The following TNFAIP8L3 variants were observed in gnomAD, a reference collection of about 807,000 sequenced individuals.
The protein encoded by TNFAIP8L3 is TNF alpha induced protein 8 like 3, also known as tumor necrosis factor alpha-induced protein 8-like protein 3.
A neutral mutation model predicts 11.8 loss-of-function variants in TNFAIP8L3; 7 were observed. That is an observed-to-expected ratio of 0.59 (90% confidence interval 0.34 to 1.11). TNFAIP8L3 has a LOEUF of 1.11. Ranked by LOEUF, TNFAIP8L3 falls within the 50% of genes most tolerant of loss-of-function variation. TNFAIP8L3 has a pLI of 0.03. For synonymous variants in TNFAIP8L3, 98 were observed against 103.8 expected, an observed-to-expected ratio of 0.94 and a Z score of 0.34; for missense variants, 219 against 258.6, an observed-to-expected ratio of 0.85 and a Z score of 1.05.
intron 1 of TNFAIP8L3, among the ~76,000 whole-genome samples, chr15:51,104,547 C>T (rs1276986906): frequency 6.6e-6 from 1 of 152,200 alleles, no homozygotes; most frequent in East Asian, 1.9e-4. Flanking sequence ...GTGTCTTTCC[C>T]CTGGCTCTCT....
chr15:51,085,945 T>C (rs971403847), intron 1 of TNFAIP8L3, among the ~76,000 whole-genome samples: 10 of 152,210 alleles, frequency 6.6e-5, no homozygotes, highest in African/African-American at 2.4e-4. Flanking sequence ...AAAATAATGT[T>C]ACTGACAAGC....
At chr15:51,066,351 C>A (rs192565587) in intron 1 of TNFAIP8L3, among the ~76,000 whole-genome samples, 1 of 151,850 alleles carries the variant, frequency 6.6e-6, no homozygotes, top group Non-Finnish European at 1.5e-5. Context: ...TTAGTAGAGA[C>A]GGGGTTTCAA....
chr15:51,104,877 T>C (rs1031579062), intron 1 of TNFAIP8L3: 3 of 1,089,686 alleles, frequency 2.8e-6, no homozygotes, highest in Non-Finnish European at 4.1e-6. Flanking sequence ...AAATAAGAGA[T>C]GGGCTGCCTG....
exon 1 of TNFAIP8L3, chr15:51,105,094 C>T: frequency 6.2e-7 from 1 of 1,614,200 alleles, no homozygotes; most frequent in East Asian, 2.2e-5. Flanking sequence ...CCCTGCATAT[C>T]CGTTGACCCA....
chr15:51,063,560 T>G (rs894388776), intron 1 of TNFAIP8L3, among the ~76,000 whole-genome samples: 14 of 152,228 alleles, frequency 9.2e-5, no homozygotes, highest in Non-Finnish European at 1.9e-4. Flanking sequence ...TACCACCTGT[T>G]CTACCTGCTT....
Position 51,057,589 on chromosome 15 carries a change from C to G in TNFAIP8L3, c.*292G>C, listed in dbSNP as rs1306438204. ...CTCCTGGTTTAGTGCTCCTCCCACTCCATGAGATGAACAGCACTCACTGTA... is the reference window on the plus strand; with the variant it reads ...CTCCTGGTTTAGTGCTCCTCCCACTGCATGAGATGAACAGCACTCACTGTA... On this transcript the variant is annotated 3_prime_UTR_variant, in exon 2 of 2. Coordinates refer to ENST00000637513, the MANE Select transcript of TNFAIP8L3 (RefSeq NM_001311175.2). The G allele has an allele frequency of 3.7e-6, 1 of 268,616 alleles. No individual in the cohort carries two copies. Among genetic ancestry groups the G allele is most frequent in the Non-Finnish European group, 7.1e-6 (1 of 141,652 alleles). 16.6% of individuals were successfully genotyped at this position (268,616 alleles called of 1,614,324 possible). A position where few individuals can be genotyped will look rare whatever the true frequency, so the allele number is the denominator to read the frequency against.
intron 1 of TNFAIP8L3, among the ~76,000 whole-genome samples, chr15:51,092,807 C>A (rs2065481610): frequency 6.6e-6 from 1 of 152,120 alleles, no homozygotes; most frequent in African/African-American, 2.4e-5. Context: ...TCCCTTTCAC[C>A]CAAGTACCAG....
chr15:51,067,887 A>T (rs760966293), intron 1 of TNFAIP8L3, among the ~76,000 whole-genome samples: 9 of 152,238 alleles, frequency 5.9e-5, no homozygotes, highest in Non-Finnish European at 1.3e-4. Context: ...TCCTCTTGAC[A>T]AGAGCTTTCC....
At chr15:51,100,981 C>A (rs1204266783) in intron 1 of TNFAIP8L3, among the ~76,000 whole-genome samples, 1 of 152,216 alleles carries the variant, frequency 6.6e-6, no homozygotes, top group Non-Finnish European at 1.5e-5. Context: ...CCTGTACTAG[C>A]TGTTTTCTAG....
At chr15:51,078,296 C>A (rs2065368894) in intron 1 of TNFAIP8L3, among the ~76,000 whole-genome samples, 1 of 134,224 alleles carries the variant, frequency 7.5e-6, no homozygotes, top group African/African-American at 2.9e-5. Context: ...CAAATATAAG[C>A]GGGGGCGGGG....
At position 51,058,287 on chromosome 15, in the gene TNFAIP8L3, T is replaced by C. The variant is rs766661034; in HGVS notation, c.209A>G (p.Asn70Ser). The C allele has an allele frequency of 1.9e-6, 3 of 1,614,078 alleles. No homozygotes were observed. The highest frequency in any genetic ancestry group is 2.2e-5 in the East Asian group (1 of 44,902). Residue 70 changes from asparagine to serine, a missense_variant, in exon 2 of 2, where the codon AAC (asparagine) becomes AGC (serine). By Grantham distance (46) the Asn-to-Ser change is conservative (BLOSUM62 1). Coordinates refer to ENST00000637513, the MANE Select transcript of TNFAIP8L3 (RefSeq NM_001311175.2). ...LYKVTKEHTH[N>S]KKEAHKIMKD... The stretch of plus-strand genomic sequence containing the variant: ...CATGATCTTGTGGGCTTCCTTCTTG[T>C]TGTGTGTGTGCTCTTTGGTGACTTT...
chr15:51,071,675 G>A (rs1356590681), intron 1 of TNFAIP8L3, among the ~76,000 whole-genome samples: 3 of 152,150 alleles, frequency 2.0e-5, no homozygotes, highest in South Asian at 2.1e-4. Flanking sequence ...CTCCTTGTGC[G>A]CACACACACA....
intron 1 of TNFAIP8L3, among the ~76,000 whole-genome samples, chr15:51,060,231 G>T (rs772320735): frequency 6.6e-6 from 1 of 152,172 alleles, no homozygotes; most frequent in Admixed American, 6.5e-5. Context: ...TTTGTTCTCT[G>T]CAAAATCAAA....
rs192247086 is a variant in TNFAIP8L3 at position 51,070,769 on chromosome 15, G to A, written c.53-12326C>T. Among the ~76,000 whole-genome samples, 11 of 152,184 alleles carry A rather than the reference G, an allele frequency of 7.2e-5. No individual in the cohort carries two copies. In the East Asian group the frequency reaches 1.7e-3, roughly 24 times the overall value. Reference sequence around the variant, plus strand: ...CCTCACAAGAATTAATTTTCTGGCCGGGCGCGGTGGCTCACGCCTGTAATC... The same window carrying A: ...CCTCACAAGAATTAATTTTCTGGCCAGGCGCGGTGGCTCACGCCTGTAATC... On this transcript the variant is annotated intron_variant, in intron 1 of 1. Transcript: ENST00000637513.
chr15:51,096,909 A>AAAAG (rs1445287870), upstream of TNFAIP8L3, among the ~76,000 whole-genome samples: 69 of 135,544 alleles, frequency 5.1e-4, no homozygotes, highest in African/African-American at 1.7e-3. Context: ...AAAAAAAAAA[A>AAAAG]AAAGAAAGAA....
At chr15:51,086,929 C>T (rs1017620545) in intron 1 of TNFAIP8L3, among the ~76,000 whole-genome samples, 3 of 151,110 alleles carry the variant, frequency 2.0e-5, no homozygotes, top group Admixed American at 6.6e-5. Flanking sequence ...CTCTCTTTTG[C>T]CCAGGCTGGA....
At chr15:51,065,457 A>G (rs1177916620) in intron 1 of TNFAIP8L3, among the ~76,000 whole-genome samples, 1 of 152,238 alleles carries the variant, frequency 6.6e-6, no homozygotes, top group Non-Finnish European at 1.5e-5. Flanking sequence ...AGATGGTGAA[A>G]TGCCAAGCTA....
intron 1 of TNFAIP8L3, among the ~76,000 whole-genome samples, chr15:51,066,076 A>G (rs1329182878): frequency 6.6e-6 from 1 of 151,844 alleles, no homozygotes; most frequent in Non-Finnish European, 1.5e-5. Context: ...TTAGGGGGAA[A>G]AAAAAAAACA....
At chr15:51,072,521 C>A (rs918199948) in intron 1 of TNFAIP8L3, among the ~76,000 whole-genome samples, 2 of 152,152 alleles carry the variant, frequency 1.3e-5, no homozygotes, top group African/African-American at 4.8e-5. Flanking sequence ...TTTAAAAATT[C>A]TTCTCTTGCC....
Sources: gnomAD v4.1 joint callset for allele counts (sites outside exome capture counted in the v4.1 genomes callset) on GRCh38, gnomAD v4.1.1 for gene constraint, MANE v1.5 for transcripts, NCBI Gene and HGNC (gene_info 2026-07-23, HGNC 2026-07-21) for gene names.